The following PI4K2B variants were observed in gnomAD, a reference collection of about 807,000 sequenced individuals.
PI4K2B encodes phosphatidylinositol 4-kinase type 2-beta.
PI4K2B carries 46 observed loss-of-function variants against 56.6 expected under a neutral mutation model. The observed-to-expected ratio is 0.81, with a 90% CI of 0.64 to 1.04. The LOEUF (loss-of-function observed/expected upper bound fraction) is 1.04. Ranked by LOEUF, PI4K2B falls within the 50% of genes least tolerant of loss-of-function variation. The pLI is 0.00. For missense variants in PI4K2B, 556 were observed against 607.7 expected (o/e 0.91, Z 0.89); for synonymous variants, 211 against 223.8 (o/e 0.94, Z 0.51).
At chr4:25,273,770 C>T (rs1355448943) in intron 9 of PI4K2B, among the ~76,000 whole-genome samples, 1 of 152,228 alleles carries the variant, frequency 6.6e-6, no homozygotes, top group Admixed American at 6.5e-5. Context: ...CTGAGTATGT[C>T]TTCTGTTATT....
intron 6 of PI4K2B, 37 bp from the exon 7 acceptor site, chr4:25,263,713 G>A (rs1490279583): frequency 1.4e-6 from 1 of 735,638 alleles, no homozygotes; most frequent in Non-Finnish European, 2.4e-6. Flanking sequence ...TATTTATATA[G>A]GTTCTTTTAT....
intron 1 of PI4K2B, among the ~76,000 whole-genome samples, chr4:25,237,171 C>T (rs774861530): frequency 6.6e-6 from 1 of 152,200 alleles, no homozygotes. Flanking sequence ...GTTGTTGGAT[C>T]AGTGTCAAAG....
Position 25,269,147 on chromosome 4 carries a change from G to A in PI4K2B, c.1216G>A (p.Asp406Asn). 6.4e-7 allele frequency: 1 copy of A among 1,560,106 alleles called. No individual in the cohort carries two copies. The highest frequency in any genetic ancestry group is 1.7e-4 in the Middle Eastern group (1 of 5,842). ...GTTTTTTTCCTTTCTATAATAGACT[G>A]ACAAAGGATTTGACAAAGCCACTTT... The part of the protein sequence containing the change: ...CEDLYELFKT[D>N]KGFDKATFES... Residue 406 changes from aspartate to asparagine, a missense_variant, in exon 9 of 10, where the codon GAC becomes AAC. Coordinates refer to ENST00000264864, the MANE Select transcript of PI4K2B (RefSeq NM_018323.4).
Position 25,259,255 on chromosome 4 carries a change from C to A in PI4K2B, c.910+65C>A, listed in dbSNP as rs190609427. On this transcript the variant is annotated intron_variant, in intron 5 of 9. Transcript: ENST00000264864. ...ATTTTCAAACTATATTCTTGTTATC[C>A]AAATCAAAGCGGTAAACTTTTGTTG... 281 of 1,098,956 alleles carry A rather than the reference C, an allele frequency of 2.6e-4. 3 individuals are homozygous for A. The East Asian group carries it at 5.0e-3, about 20-fold the overall frequency. The allele number at this position is 1,098,956 out of a possible 1,614,324, so 68.1% of individuals were successfully genotyped here. A position where few individuals can be genotyped will look rare whatever the true frequency, so the allele number is the denominator to read the frequency against.
chr4:25,268,707 G>A lies in PI4K2B; in HGVS notation c.1212+131G>A, dbSNP rs899081124. ...GCCATAAAACCTGACAGGACAGAGA[G>A]GAATTAGCAGTTTTATTTACAGGAG... On this transcript the variant is annotated intron_variant, in intron 8 of 9. Coordinates refer to ENST00000264864, the MANE Select transcript of PI4K2B (RefSeq NM_018323.4). The A allele has an allele frequency of 1.8e-5, 11 of 600,354 alleles. No individual in the cohort carries two copies. In the East Asian group the frequency reaches 3.3e-4, roughly 18 times the overall value. The allele number at this position is 600,354 out of a possible 1,614,324, so 37.2% of individuals were successfully genotyped here.
intron 7 of PI4K2B, chr4:25,267,841 A>G: frequency 2.0e-6 from 2 of 981,904 alleles, no homozygotes; most frequent in Non-Finnish European, 2.4e-6. Flanking sequence ...TAATGATTTC[A>G]AAGTTTAGAA....
chr4:25,271,336 A>G (rs114153767), intron 9 of PI4K2B, among the ~76,000 whole-genome samples: 1,640 of 152,344 alleles, frequency 0.011, 33 homozygotes, highest in African/African-American at 0.038. Context: ...GGTTTCTTCT[A>G]TGAACTCCTT....
intron 1 of PI4K2B, among the ~76,000 whole-genome samples, chr4:25,238,232 CAATCAT>C (rs1348012165): frequency 2.0e-5 from 3 of 152,186 alleles, no homozygotes; most frequent in Non-Finnish European, 2.9e-5. Flanking sequence ...GAGAGAAACA[CAATCAT>C]GTGGTCTATA....
chr4:25,267,693 CT>C (rs1288499057), intron 7 of PI4K2B: 1 of 748,878 alleles, frequency 1.3e-6, no homozygotes, highest in African/African-American at 1.9e-5. Context: ...AATATGCACC[CT>C]CTCTAGAAGA....
rs1383022713 is a variant in PI4K2B, at chr4:25,267,847, T to A, written c.1079-596T>A. 3.1e-6 allele frequency: 3 copies of A among 982,278 alleles called. No homozygotes were observed. The African/African-American group carries it at 5.2e-5, about 17-fold the overall frequency. 60.8% of individuals were successfully genotyped at this position (982,278 alleles called of 1,614,324 possible). ...TTTACCTCCTAATGATTTCAAAGTT[T>A]AGAACATCTTCTGTGTACAAGTAAG... On this transcript the variant is annotated intron_variant, in intron 7 of 9. Coordinates refer to ENST00000264864, the MANE Select transcript of PI4K2B (RefSeq NM_018323.4).
chr4:25,260,629 TATATATATATATACACACAC>T, intron 6 of PI4K2B, 38 bp downstream of exon 6: 6 of 214,466 alleles, frequency 2.8e-5, no homozygotes, highest in Non-Finnish European at 2.5e-5. Flanking sequence ...TATATATATA[TATATATATATATACACACAC>T]ACACACACAC....
At chr4:25,264,163 G>A (rs561039646) in intron 7 of PI4K2B, among the ~76,000 whole-genome samples, 19 of 152,178 alleles carry the variant, frequency 1.2e-4, no homozygotes, top group African/African-American at 3.9e-4. Flanking sequence ...TATATTTTAC[G>A]TTTTTCGTTG....
At chr4:25,246,338 A>T (rs2109090024) in intron 1 of PI4K2B, among the ~76,000 whole-genome samples, 1 of 152,142 alleles carries the variant, frequency 6.6e-6, no homozygotes, top group Non-Finnish European at 1.5e-5. Flanking sequence ...CAGAGAGCTG[A>T]TTGGTCCGTT....
At chr4:25,238,595 C>T (rs545914876) in intron 1 of PI4K2B, among the ~76,000 whole-genome samples, 70 of 152,190 alleles carry the variant, frequency 4.6e-4, no homozygotes, top group Non-Finnish European at 7.5e-4. Flanking sequence ...TTCGTGGTCT[C>T]GCTGGCTCAG....
chr4:25,260,373 T>TA (rs1437606104), intron 5 of PI4K2B, 151 bp from the exon 6 acceptor site: 5 of 340,872 alleles, frequency 1.5e-5, no homozygotes, highest in African/African-American at 1.1e-4. Flanking sequence ...TTTTTTTTTT[T>TA]AGTTTCTTTG....
chr4:25,254,161 G>A (rs1716168866), intron 2 of PI4K2B, among the ~76,000 whole-genome samples: 1 of 152,184 alleles, frequency 6.6e-6, no homozygotes, highest in African/African-American at 2.4e-5. Flanking sequence ...CATTATATTT[G>A]TATTTTAGAG....
At chr4:25,270,424 C>T (rs1032248325) in intron 9 of PI4K2B, among the ~76,000 whole-genome samples, 1 of 152,000 alleles carries the variant, frequency 6.6e-6, no homozygotes, top group Non-Finnish European at 1.5e-5. Flanking sequence ...CAGCTCACTT[C>T]AACCTCTGTC....
chr4:25,237,123 G>A (rs1209640265), intron 1 of PI4K2B, among the ~76,000 whole-genome samples: 1 of 152,166 alleles, frequency 6.6e-6, no homozygotes, highest in Admixed American at 6.5e-5. Context: ...TCTTCAACAA[G>A]GCATTTAACA....
Position 25,277,069 on chromosome 4 carries a change from A to G in PI4K2B, c.1328A>G (p.Gln443Arg), listed in dbSNP as rs1205891755. 1 of 1,613,552 alleles carries G rather than the reference A, an allele frequency of 6.2e-7. No individual in the cohort carries two copies. Among genetic ancestry groups the G allele is most frequent in the Admixed American group, 1.7e-5 (1 of 60,014 alleles). Residue 443 changes from glutamine to arginine, a missense_variant, in exon 10 of 10, where the codon CAG (glutamine) becomes CGG (arginine). Transcript: ENST00000264864. The stretch of plus-strand genomic sequence containing the variant: ...GGGAAGAGTCCTTTCCAGCTAGTAC[A>G]GATACCTTGTGTGATTGTGGAACGC... ...RDGKSPFQLV[Q>R]IPCVIVERSQ... is the part of the protein sequence containing the mutation.
Sources: gnomAD v4.1 joint callset for allele counts (sites outside exome capture counted in the v4.1 genomes callset) on GRCh38, gnomAD v4.1.1 for gene constraint, MANE v1.5 for transcripts, NCBI Gene and HGNC (gene_info 2026-07-23, HGNC 2026-07-21) for gene names.